Variants in EHMT1 observed in about 807,000 individuals in gnomAD.
The protein encoded by EHMT1 is euchromatic histone lysine methyltransferase 1, also known as histone-lysine N-methyltransferase EHMT1.
EHMT1 carries 15 observed loss-of-function variants against 147.2 expected under a neutral mutation model. The observed-to-expected ratio is 0.10, with a 90% CI of 0.07 to 0.16. EHMT1 has a LOEUF of 0.16. Ranked by LOEUF, EHMT1 falls within the 10% of genes least tolerant of loss-of-function variation. The probability of loss-of-function intolerance (pLI) is 1.00; values close to 1 mark genes in which losing one functional copy is unlikely to be tolerated. For missense variants in EHMT1, 1,587 were observed against 1,772.4 expected (o/e 0.90, Z 1.88); for synonymous variants, 795 against 709.6 (o/e 1.12, Z -1.91).
At chr9:137,808,998 C>T (rs1199523358) in intron 18 of EHMT1, among the ~76,000 whole-genome samples, 1 of 152,012 alleles carries the variant, frequency 6.6e-6, no homozygotes, top group Non-Finnish European at 1.5e-5. Flanking sequence ...AAAAGAGGCC[C>T]CTAAGCAAGC....
At chr9:137,665,324 G>GC (rs1939515892) in intron 1 of EHMT1, among the ~76,000 whole-genome samples, 1 of 152,148 alleles carries the variant, frequency 6.6e-6, no homozygotes, top group Admixed American at 6.5e-5. Context: ...GCTGGGGTGG[G>GC]CATAGGAGGT....
In EHMT1 at chr9:137,834,831, G is replaced by A; in HGVS notation, c.3775G>A (p.Gly1259Ser). 6.2e-7 allele frequency: 1 copy of A among 1,612,702 alleles called. No homozygotes were observed. Among genetic ancestry groups the A allele is most frequent in the East Asian group, 2.2e-5 (1 of 44,858 alleles). ...IKGKLFSCRC[G>S]SPKCRHSSAA... Reference sequence around the variant, plus strand: ...AGGCAAGCTCTTCAGCTGCCGCTGCGGCTCCCCCAAGTGCCGGCACTCGAG... The same window carrying A: ...AGGCAAGCTCTTCAGCTGCCGCTGCAGCTCCCCCAAGTGCCGGCACTCGAG... Residue 1259 changes from glycine (G) to serine (S), a missense_variant, in exon 27 of 27, where the codon GGC becomes AGC. Gly to Ser is a moderately conservative substitution (Grantham distance 56). Coordinates refer to ENST00000460843, the MANE Select transcript of EHMT1 (RefSeq NM_024757.5).
intron 1 of EHMT1, among the ~76,000 whole-genome samples, chr9:137,642,937 A>G (rs565846821): frequency 6.6e-6 from 1 of 152,240 alleles, no homozygotes; most frequent in East Asian, 1.9e-4. Flanking sequence ...GTGGGAGTAC[A>G]GTGGCACAAT....
chr9:137,830,963 C>G (rs1166869394), intron 25 of EHMT1, among the ~76,000 whole-genome samples: 1 of 152,158 alleles, frequency 6.6e-6, no homozygotes, highest in Non-Finnish European at 1.5e-5. Context: ...TCTCACTGCT[C>G]TGGGGGCTGG....
intron 8 of EHMT1, among the ~76,000 whole-genome samples, chr9:137,755,501 C>T (rs990885976): frequency 6.6e-6 from 1 of 152,238 alleles, no homozygotes; most frequent in South Asian, 2.1e-4. Flanking sequence ...GGGCTCTTTC[C>T]AGCCTTGGCT....
intron 4 of EHMT1, chr9:137,743,138 T>C (rs937121093): frequency 1.9e-6 from 1 of 516,642 alleles, no homozygotes; most frequent in Non-Finnish European, 3.5e-6. Flanking sequence ...TTGTTGTGAA[T>C]GGAACAGATG....
At chr9:137,620,781 G>C (rs1326189052) in intron 1 of EHMT1, among the ~76,000 whole-genome samples, 1 of 152,226 alleles carries the variant, frequency 6.6e-6, no homozygotes, top group African/African-American at 2.4e-5. Flanking sequence ...TGGGCACGTA[G>C]TAGGTGTTTA....
chr9:137,661,608 C>A (rs1200563075), intron 1 of EHMT1, among the ~76,000 whole-genome samples: 2 of 151,688 alleles, frequency 1.3e-5, no homozygotes, highest in Non-Finnish European at 2.9e-5. Flanking sequence ...GCCTCAGCCT[C>A]CCGAGTAGCT....
intron 1 of EHMT1, among the ~76,000 whole-genome samples, chr9:137,678,233 ATTTGT>A (rs1166105075): frequency 6.6e-6 from 1 of 151,888 alleles, no homozygotes; most frequent in Non-Finnish European, 1.5e-5. Context: ...GTTTCTTGTG[ATTTGT>A]TTTTTCTCTC....
chr9:137,822,237 A>G (rs1955474710), intron 25 of EHMT1, among the ~76,000 whole-genome samples: 1 of 152,098 alleles, frequency 6.6e-6, no homozygotes, highest in African/African-American at 2.4e-5. Flanking sequence ...CTGTTGTTGG[A>G]CGGTGACCCA....
rs538480745 is a variant in EHMT1, at chr9:137,667,115, C to T, written c.22-43852C>T. 5 of 152,300 alleles carry T rather than the reference C, an allele frequency of 3.3e-5. No individual in the cohort carries two copies. The East Asian group carries it at 7.7e-4, about 24-fold the overall frequency. 9.4% of individuals were successfully genotyped at this position (152,300 alleles called of 1,614,324 possible). On this transcript the variant is annotated intron_variant, in intron 1 of 26. Transcript: ENST00000460843. Reference sequence around the variant, plus strand: ...CGCGGTGGAGGCCACTCAGTGAGCCCGGGCAGTGCCATCGCTCACGTGTCC... The same window carrying T: ...CGCGGTGGAGGCCACTCAGTGAGCCTGGGCAGTGCCATCGCTCACGTGTCC...
At chr9:137,811,766 A>G (rs2137677961) in intron 19 of EHMT1, 151 bp downstream of exon 19, 1 of 1,078,536 alleles carries the variant, frequency 9.3e-7, no homozygotes, top group African/African-American at 1.6e-5. Flanking sequence ...GGTGTTCCAC[A>G]CGCAGAGAAG....
intron 1 of EHMT1, among the ~76,000 whole-genome samples, chr9:137,679,771 A>G (rs1169441778): frequency 1.3e-5 from 2 of 152,188 alleles, no homozygotes; most frequent in African/African-American, 2.4e-5. Flanking sequence ...CATTTTTACC[A>G]TATAAATGTT....
chr9:137,691,366 C>CA (rs1223720325), intron 1 of EHMT1, among the ~76,000 whole-genome samples: 3 of 148,048 alleles, frequency 2.0e-5, no homozygotes, highest in Non-Finnish European at 3.0e-5. Context: ...TTTGTAGAGA[C>CA]AGAGTTTCTC....
chr9:137,728,946 G>A (rs1048574140), intron 4 of EHMT1, among the ~76,000 whole-genome samples: 3 of 152,176 alleles, frequency 2.0e-5, no homozygotes, highest in South Asian at 2.1e-4. Flanking sequence ...CAGCCACCTC[G>A]CTCCAGGCGT....
rs141297330 is a variant in EHMT1, at chr9:137,706,866, G to T, written c.22-4101G>T. 5.6e-3 allele frequency among the ~76,000 whole-genome samples: 849 copies of T among 151,846 alleles called. 4 individuals are homozygous for T. The highest frequency in any genetic ancestry group is 9.6e-3 in the Non-Finnish European group (650 of 67,944). On this transcript the variant is annotated intron_variant, in intron 1 of 26. Coordinates refer to ENST00000460843, the MANE Select transcript of EHMT1 (RefSeq NM_024757.5). ...AGATGGAGTTTTGCTCTTTTGCCCAGGCTGGAGTGAAGCAGCGTGATCTCA... is the reference window on the plus strand; with the variant it reads ...AGATGGAGTTTTGCTCTTTTGCCCATGCTGGAGTGAAGCAGCGTGATCTCA...
chr9:137,721,798 C>CT (rs1946084082), intron 3 of EHMT1, among the ~76,000 whole-genome samples: 1 of 152,144 alleles, frequency 6.6e-6, no homozygotes, highest in Admixed American at 6.5e-5. Context: ...TGTTTGTCAG[C>CT]TATGTGGTTT....
intron 3 of EHMT1, among the ~76,000 whole-genome samples, chr9:137,721,490 T>C (rs1308234294): frequency 2.1e-5 from 1 of 48,494 alleles, no homozygotes; most frequent in African/African-American, 9.8e-5. Flanking sequence ...CCCACGCCTC[T>C]CACCTTCTCA....
intron 16 of EHMT1, among the ~76,000 whole-genome samples, chr9:137,796,097 T>C (rs1219248644): frequency 6.6e-6 from 1 of 152,246 alleles, no homozygotes; most frequent in Non-Finnish European, 1.5e-5. Context: ...CATGTCTTCC[T>C]GCAGCACTCC....
Sources: allele counts gnomAD v4.1 joint callset (sites outside exome capture counted in the v4.1 genomes callset), GRCh38; gene constraint gnomAD v4.1.1; transcripts MANE v1.5; gene names NCBI Gene and HGNC (gene_info 2026-07-23, HGNC 2026-07-21).